Variants in CEP112 observed in about 807,000 individuals in gnomAD.
CEP112 encodes the protein centrosomal protein of 112 kDa.
A neutral mutation model predicts 153.0 loss-of-function variants in CEP112; 127 were observed. The observed-to-expected ratio is 0.83, with a 90% confidence interval of 0.72 to 0.96. The LOEUF (loss-of-function observed/expected upper bound fraction) is 0.96, where lower values mean the gene tolerates loss of function less well. CEP112 is among the 40% of genes least tolerant of loss of function. The pLI, the probability that CEP112 is intolerant of heterozygous loss-of-function variation, is 0.00. For missense variants in CEP112, 1,089 were observed against 1,101.2 expected (o/e 0.99, Z 0.16); for synonymous variants, 358 against 374.4 (o/e 0.96, Z 0.51).
intron 21 of CEP112, among the ~76,000 whole-genome samples, chr17:65,832,817 A>C (rs1460450292): frequency 6.6e-6 from 1 of 152,114 alleles, no homozygotes; most frequent in Non-Finnish European, 1.5e-5. Context: ...TATTTCAAAA[A>C]ATTGAGGAGG....
intron 17 of CEP112, among the ~76,000 whole-genome samples, chr17:65,977,822 C>T (rs1294645400): frequency 6.6e-6 from 1 of 152,162 alleles, no homozygotes; most frequent in Non-Finnish European, 1.5e-5. Flanking sequence ...CACCTGTAAT[C>T]CCAGCACTTT....
At chr17:65,756,104 C>G (rs534387519) in intron 21 of CEP112, among the ~76,000 whole-genome samples, 1 of 152,186 alleles carries the variant, frequency 6.6e-6, no homozygotes, top group East Asian at 1.9e-4. Context: ...GAAGTAATAG[C>G]CACAGAGTCA....
intron 6 of CEP112, among the ~76,000 whole-genome samples, chr17:66,123,175 C>T (rs1258966181): frequency 6.6e-6 from 1 of 152,182 alleles, no homozygotes; most frequent in African/African-American, 2.4e-5. Flanking sequence ...TATTCTTGAC[C>T]TACTGTGTCT....
At chr17:65,734,493 C>G (rs1282544347) in intron 23 of CEP112, among the ~76,000 whole-genome samples, 2 of 152,104 alleles carry the variant, frequency 1.3e-5, no homozygotes, top group Non-Finnish European at 2.9e-5. Flanking sequence ...AATATTAAAA[C>G]ATTTTACTCA....
At chr17:65,981,916 A>G in intron 17 of CEP112, among the ~76,000 whole-genome samples, 1 of 152,188 alleles carries the variant, frequency 6.6e-6, no homozygotes, top group East Asian at 1.9e-4. Context: ...AAAAATTTAA[A>G]ATAAATACAT....
At chr17:66,103,960 T>A (rs186718204) in intron 6 of CEP112, among the ~76,000 whole-genome samples, 1 of 152,252 alleles carries the variant, frequency 6.6e-6, no homozygotes, top group East Asian at 1.9e-4. Flanking sequence ...GGCAAATCAT[T>A]CATCCCAGCA....
At chr17:65,838,100 T>TA (rs915397284) in intron 21 of CEP112, among the ~76,000 whole-genome samples, 23 of 149,212 alleles carry the variant, frequency 1.5e-4, no homozygotes, top group South Asian at 4.3e-4. Flanking sequence ...CTAAAAAAAT[T>TA]AAAAAAAAAT....
chr17:66,065,003 T>C (rs190421651), intron 10 of CEP112, among the ~76,000 whole-genome samples: 15 of 152,348 alleles, frequency 9.8e-5, no homozygotes, highest in African/African-American at 3.6e-4. Context: ...CACTCAGATA[T>C]ACTCAGGTTT....
intron 22 of CEP112, 151 bp downstream of exon 22, chr17:65,750,511 T>A: frequency 1.6e-6 from 1 of 630,128 alleles, no homozygotes. Context: ...AAAACCATAT[T>A]GTTTATTTGT....
chr17:66,018,029 C>T (rs994320573), intron 16 of CEP112, among the ~76,000 whole-genome samples: 1 of 151,786 alleles, frequency 6.6e-6, no homozygotes, highest in East Asian at 1.9e-4. Flanking sequence ...TTGTTTGTAC[C>T]TAAAAGAAAA....
intron 4 of CEP112, among the ~76,000 whole-genome samples, chr17:66,150,260 C>T (rs2071146467): frequency 1.4e-5 from 2 of 148,118 alleles, no homozygotes; most frequent in Admixed American, 6.8e-5. Flanking sequence ...TGCAGTGGCA[C>T]GATCTTGGCT....
At position 66,191,371 on chromosome 17, in the gene CEP112, A is replaced by G. The variant is rs952973016; in HGVS notation, c.-9+626T>C. 3.3e-5 allele frequency among the ~76,000 whole-genome samples: 5 copies of G among 152,246 alleles called. No individual in the cohort carries two copies. Among genetic ancestry groups the G allele is most frequent in the Non-Finnish European group, 5.9e-5 (4 of 68,042 alleles). Reference sequence around the variant, plus strand: ...TAAAAACAAATAAAAGTAGCCGTGCAATGATCAGAAAAGCTGTTCACATTT... The same window carrying G: ...TAAAAACAAATAAAAGTAGCCGTGCGATGATCAGAAAAGCTGTTCACATTT... On this transcript the variant is annotated intron_variant, in intron 1 of 26. Transcript: ENST00000535342. This position sits in a 1 kb window ranked among gnomAD's most constrained non-coding sequence, Gnocchi z 4.2.
chr17:65,700,088 C>CTCCTCCTCCTCT (rs774677015), intron 23 of CEP112, among the ~76,000 whole-genome samples: 1 of 150,058 alleles, frequency 6.7e-6, no homozygotes, highest in South Asian at 2.1e-4. Context: ...ATGCTTTCTG[C>CTCCTCCTCCTCT]TCCTCCTCCT....
intron 18 of CEP112, among the ~76,000 whole-genome samples, chr17:65,937,522 G>T (rs2061361516): frequency 7.1e-6 from 1 of 140,396 alleles, no homozygotes; most frequent in East Asian, 2.3e-4. Context: ...TCTGAGAAGT[G>T]AGGAGCCCCT....
intron 20 of CEP112, among the ~76,000 whole-genome samples, chr17:65,901,337 T>G (rs2059839157): frequency 6.6e-6 from 1 of 152,222 alleles, no homozygotes; most frequent in African/African-American, 2.4e-5. Context: ...TATCAATTGC[T>G]CTTAAATTTT....
chr17:65,981,695 C>CT (rs911156754), intron 17 of CEP112, among the ~76,000 whole-genome samples: 1 of 152,200 alleles, frequency 6.6e-6, no homozygotes, highest in Non-Finnish European at 1.5e-5. Context: ...CTGCCTCAGC[C>CT]TCCCAACTAG....
intron 19 of CEP112, among the ~76,000 whole-genome samples, chr17:65,917,753 C>T (rs962028394): frequency 1.3e-5 from 2 of 152,108 alleles, no homozygotes; most frequent in Non-Finnish European, 2.9e-5. Flanking sequence ...CCAGCAGCTC[C>T]CCACGTGATG....
intron 21 of CEP112, among the ~76,000 whole-genome samples, chr17:65,784,943 A>G (rs1376302554): frequency 1.3e-5 from 2 of 152,176 alleles, no homozygotes; most frequent in Non-Finnish European, 2.9e-5. Flanking sequence ...AAAAACAAAA[A>G]ACAACAAAAA....
chr17:65,830,613 G>A lies in CEP112; in HGVS notation c.2394+21191C>T, dbSNP rs115304916. On this transcript the variant is annotated intron_variant, in intron 21 of 26. Coordinates refer to ENST00000535342, the MANE Select transcript of CEP112 (RefSeq NM_001199165.4). Reference sequence around the variant, plus strand: ...ATCAGTGAGGAAGCCATATTAAAGAGACTGCTTGCTGCTCTATTGCAGCAG... The same window carrying A: ...ATCAGTGAGGAAGCCATATTAAAGAAACTGCTTGCTGCTCTATTGCAGCAG... 3.2e-3 allele frequency among the ~76,000 whole-genome samples: 481 copies of A among 152,330 alleles called. 3 individuals carry two copies. Among genetic ancestry groups the A allele is most frequent in the African/African-American group, 0.011 (456 of 41,570 alleles).
Sources: gnomAD v4.1 joint callset for allele counts (sites outside exome capture counted in the v4.1 genomes callset) on GRCh38, gnomAD v4.1.1 for gene constraint, Gnocchi (gnomAD v3.1) non-coding constraint, MANE v1.5 for transcripts, NCBI Gene and HGNC (gene_info 2026-07-23, HGNC 2026-07-21) for gene names.